Variants in RNF38 observed in about 807,000 individuals in gnomAD.
RNF38 encodes ring finger protein 38.
RNF38 carries 15 observed loss-of-function variants against 67.2 expected under a neutral mutation model. The observed-to-expected ratio is 0.22, with a 90% confidence interval of 0.15 to 0.34. The LOEUF (loss-of-function observed/expected upper bound fraction) is 0.34, where lower values mean the gene tolerates loss of function less well. RNF38 is among the 10% of genes least tolerant of loss of function. The pLI, the probability that RNF38 is intolerant of heterozygous loss-of-function variation, is 1.00. For synonymous variants in RNF38, 220 were observed against 218.8 expected, an observed-to-expected ratio of 1.01 and a Z score of -0.05; for missense variants, 524 against 639.9, an observed-to-expected ratio of 0.82 and a Z score of 1.95.
At chr9:36,347,146 G>T in intron 9 of RNF38, among the ~76,000 whole-genome samples, 3 of 52,204 alleles carry the variant, frequency 5.7e-5, no homozygotes, top group East Asian at 7.2e-4. Context: ...GGGGGGGGGG[G>T]GGGAAGTAAA....
chr9:36,453,210 ATATTAT>A (rs991138791), intron 1 of RNF38, among the ~76,000 whole-genome samples: 15 of 151,860 alleles, frequency 9.9e-5, no homozygotes, highest in African/African-American at 2.7e-4. Context: ...TGAAGTGGAA[ATATTAT>A]TATTATTATT....
At chr9:36,414,652 C>T (rs1435630895) in intron 2 of RNF38, among the ~76,000 whole-genome samples, 1 of 149,276 alleles carries the variant, frequency 6.7e-6, no homozygotes, top group Non-Finnish European at 1.5e-5. Flanking sequence ...CACCATTGCA[C>T]TCCAGCCTGG....
In RNF38 at chr9:36,482,773, A is replaced by G. The variant is rs556288190; in HGVS notation, n.241+4535T>C. On this transcript the variant is annotated intron_variant and non_coding_transcript_variant, in intron 1 of 3. Transcript: ENST00000488058. The stretch of plus-strand genomic sequence containing the variant: ...GCATGGTGATGAAAAGCCCCTTCCC[A>G]TGAAAAGTTCACATGGAGAACTCTT... 5.1e-4 allele frequency among the ~76,000 whole-genome samples: 78 copies of G among 152,316 alleles called. No individual in the cohort carries two copies. In the Middle Eastern group the frequency reaches 0.014, roughly 27 times the overall value.
At chr9:36,372,911 T>C (rs557100790) in intron 3 of RNF38, among the ~76,000 whole-genome samples, 1 of 152,228 alleles carries the variant, frequency 6.6e-6, no homozygotes, top group South Asian at 2.1e-4. Context: ...ACAGTATTGT[T>C]TATAATACTA....
At chr9:36,366,371 C>A (rs1161128495) in intron 4 of RNF38, among the ~76,000 whole-genome samples, 12 of 151,312 alleles carry the variant, frequency 7.9e-5, no homozygotes, top group South Asian at 2.1e-4. Context: ...CAAACAGAAT[C>A]AAAAAAAAGC....
At chr9:36,383,585 T>A (rs558279132) in intron 2 of RNF38, among the ~76,000 whole-genome samples, 7 of 152,208 alleles carry the variant, frequency 4.6e-5, no homozygotes, top group East Asian at 1.9e-4. Context: ...TCATTTCACA[T>A]AGGACTTTCA....
chr9:36,400,041 A>G, intron 1 of RNF38, 56 bp downstream of exon 1: 3 of 1,529,424 alleles, frequency 2.0e-6, no homozygotes, highest in Admixed American at 3.5e-5. Context: ...AGCATACCCA[A>G]CTTTTACTGA....
At chr9:36,423,804 C>A (rs1838694725) in intron 2 of RNF38, among the ~76,000 whole-genome samples, 1 of 89,566 alleles carries the variant, frequency 1.1e-5, no homozygotes, top group Non-Finnish European at 2.7e-5. Flanking sequence ...AAAAAATTAG[C>A]CGGGCGTGGT....
At chr9:36,486,639 C>G (rs1410740929) in intron 1 of RNF38, among the ~76,000 whole-genome samples, 1 of 152,106 alleles carries the variant, frequency 6.6e-6, no homozygotes, top group African/African-American at 2.4e-5. Flanking sequence ...CTGGCAGAGA[C>G]CAAACGGTCC....
intron 2 of RNF38, among the ~76,000 whole-genome samples, chr9:36,383,527 G>A (rs1427491624): frequency 1.3e-5 from 2 of 152,092 alleles, no homozygotes; most frequent in African/African-American, 4.8e-5. Context: ...AACTTTTTAA[G>A]GCAGTTCAGT....
At position 36,434,609 on chromosome 9, in the gene RNF38, G is replaced by A. The variant is rs143856590; in HGVS notation, n.242-9926C>T. On this transcript the variant is annotated intron_variant and non_coding_transcript_variant, in intron 1 of 3. Transcript: ENST00000488058. ...TTTCCATGTTGGTCAGGCTGGTCTC[G>A]AACTCCTGACCTCAGGTGATCTGCC... Among the ~76,000 whole-genome samples the A allele has an allele frequency of 6.9e-3, 1,057 of 152,176 alleles. 13 individuals carry two copies. Among genetic ancestry groups the A allele is most frequent in the African/African-American group, 0.024 (985 of 41,530 alleles).
chr9:36,369,289 G>A (rs1835198562), intron 4 of RNF38, among the ~76,000 whole-genome samples: 1 of 152,118 alleles, frequency 6.6e-6, no homozygotes, highest in African/African-American at 2.4e-5. Context: ...ACCCAGTGCA[G>A]TGGTGCGATC....
upstream of RNF38, chr9:36,400,278 G>A (rs1837908944): frequency 7.5e-7 from 1 of 1,324,754 alleles, no homozygotes; most frequent in Non-Finnish European, 9.7e-7. Context: ...ACGCCAGAGA[G>A]GACCCTTTCG....
At chr9:36,461,394 G>A (rs1432280136) in intron 1 of RNF38, among the ~76,000 whole-genome samples, 5 of 152,210 alleles carry the variant, frequency 3.3e-5, no homozygotes, top group African/African-American at 1.2e-4. Flanking sequence ...AGAAAGCTGA[G>A]AGCTCAGGGA....
At chr9:36,364,121 T>G (rs1240491073) in intron 4 of RNF38, among the ~76,000 whole-genome samples, 1 of 151,256 alleles carries the variant, frequency 6.6e-6, no homozygotes, top group African/African-American at 2.4e-5. Flanking sequence ...TGAGCCACCG[T>G]GCCCTGCCCA....
intron 1 of RNF38, among the ~76,000 whole-genome samples, chr9:36,443,256 A>G (rs1251278532): frequency 1.3e-5 from 2 of 152,242 alleles, no homozygotes; most frequent in Non-Finnish European, 2.9e-5. Flanking sequence ...CAACACTGTG[A>G]GCCAGATAAT....
intron 2 of RNF38, among the ~76,000 whole-genome samples, chr9:36,388,669 C>T (rs145406364): frequency 1.5e-3 from 229 of 152,130 alleles, no homozygotes; most frequent in South Asian, 2.1e-3. Context: ...TTCTTTACTC[C>T]TAGAGAAGGT....
chr9:36,394,947 C>G (rs777472336), intron 1 of RNF38, among the ~76,000 whole-genome samples: 4 of 152,150 alleles, frequency 2.6e-5, no homozygotes, highest in Non-Finnish European at 5.9e-5. Context: ...CAGAATGCAA[C>G]CTGTATTTAA....
intron 2 of RNF38, among the ~76,000 whole-genome samples, chr9:36,388,625 T>C (rs891204678): frequency 2.6e-5 from 4 of 152,124 alleles, no homozygotes; most frequent in African/African-American, 7.2e-5. Flanking sequence ...TCCTCATGCT[T>C]GGTGTGGGGG....
Sources: gnomAD v4.1 joint callset for allele counts (sites outside exome capture counted in the v4.1 genomes callset) on GRCh38, gnomAD v4.1.1 for gene constraint, MANE v1.5 for transcripts, NCBI Gene and HGNC (gene_info 2026-07-23, HGNC 2026-07-21) for gene names.